The following CABLES1 variants were observed in gnomAD, a reference collection of about 807,000 sequenced individuals.
CABLES1 encodes the protein CDK5 and ABL1 enzyme substrate 1.
CABLES1 carries 36 observed loss-of-function variants against 57.8 expected under a neutral mutation model. The observed-to-expected ratio is 0.62, with a 90% confidence interval of 0.48 to 0.82. The LOEUF (loss-of-function observed/expected upper bound fraction) is 0.82, where lower values mean the gene tolerates loss of function less well. CABLES1 is among the 40% of genes least tolerant of loss of function. The pLI, the probability that CABLES1 is intolerant of heterozygous loss-of-function variation, is 0.00. For missense variants in CABLES1, 767 were observed against 836.6 expected (o/e 0.92, Z 1.03); for synonymous variants, 374 against 363.0 (o/e 1.03, Z -0.35).
chr18:23,212,262 A>G (rs1403665367), intron 3 of CABLES1, among the ~76,000 whole-genome samples: 1 of 152,248 alleles, frequency 6.6e-6, no homozygotes, highest in East Asian at 1.9e-4. Context: ...TTGAGTGTGT[A>G]CTATTTGCCA....
At chr18:23,217,080 TTTTGTTTTTG>T (rs940331958) in intron 4 of CABLES1, among the ~76,000 whole-genome samples, 5 of 152,098 alleles carry the variant, frequency 3.3e-5, no homozygotes, top group African/African-American at 9.7e-5. Context: ...TTGTTTTGTT[TTTTGTTTTTG>T]TTTGTTTTTG....
At chr18:23,185,466 T>C (rs1327800085) in intron 1 of CABLES1, among the ~76,000 whole-genome samples, 1 of 151,878 alleles carries the variant, frequency 6.6e-6, no homozygotes, top group Non-Finnish European at 1.5e-5. Flanking sequence ...TGTGTGTTCC[T>C]GACAGGGCTC....
At chr18:23,211,148 A>G (rs2047401934) in intron 3 of CABLES1, among the ~76,000 whole-genome samples, 1 of 152,054 alleles carries the variant, frequency 6.6e-6, no homozygotes, top group Non-Finnish European at 1.5e-5. Context: ...AAGATGGGAA[A>G]GAAGACTTGG....
At chr18:23,256,209 G>A (rs1323068490) in intron 9 of CABLES1, among the ~76,000 whole-genome samples, 1 of 152,262 alleles carries the variant, frequency 6.6e-6, no homozygotes, top group Admixed American at 6.5e-5. Context: ...GGCAGAATGT[G>A]CCTGAGCAAA....
chr18:23,243,235 T>G (rs541670020), intron 7 of CABLES1, among the ~76,000 whole-genome samples: 1 of 152,134 alleles, frequency 6.6e-6, no homozygotes, highest in Admixed American at 6.5e-5. Context: ...TATTCAGTTC[T>G]GAGGAGGGGG....
intron 7 of CABLES1, among the ~76,000 whole-genome samples, chr18:23,249,677 G>T (rs1056322770): frequency 6.6e-6 from 1 of 152,158 alleles, no homozygotes; most frequent in Admixed American, 6.5e-5. Flanking sequence ...TCTCGTTTTG[G>T]AGGATGAGGG....
intron 1 of CABLES1, among the ~76,000 whole-genome samples, chr18:23,143,358 T>C (rs2046869361): frequency 6.6e-6 from 1 of 152,158 alleles, no homozygotes; most frequent in Non-Finnish European, 1.5e-5. Flanking sequence ...ATTACACATC[T>C]TGTGTTATAT....
chr18:23,181,495 T>G, intron 1 of CABLES1, among the ~76,000 whole-genome samples: 1 of 3,802 alleles, frequency 2.6e-4, no homozygotes, highest in South Asian at 0.01. Context: ...AAGCTTCGTC[T>G]CAAAAAAAAA....
chr18:23,217,173 C>T (rs1342970607), intron 4 of CABLES1, among the ~76,000 whole-genome samples: 1 of 152,154 alleles, frequency 6.6e-6, no homozygotes, highest in East Asian at 1.9e-4. Context: ...TCTCGAACTC[C>T]TACGCTCGAG....
At chr18:23,152,957 A>G (rs2046940807) in intron 1 of CABLES1, among the ~76,000 whole-genome samples, 1 of 150,726 alleles carries the variant, frequency 6.6e-6, no homozygotes, top group Admixed American at 6.6e-5. Context: ...GCCCACCACC[A>G]CGCCCTGCTG....
intron 4 of CABLES1, among the ~76,000 whole-genome samples, chr18:23,227,257 C>G (rs946157962): frequency 1.5e-4 from 23 of 152,118 alleles, no homozygotes; most frequent in Non-Finnish European, 2.1e-4. Flanking sequence ...TCCTCCCCAC[C>G]CACTTTCCCC....
chr18:23,190,004 T>C (rs1242115431), intron 2 of CABLES1, among the ~76,000 whole-genome samples: 1 of 152,102 alleles, frequency 6.6e-6, no homozygotes, highest in South Asian at 2.1e-4. Context: ...ACTTTTGGAG[T>C]CTTTTTCAAA....
At chr18:23,255,843 GAGTCAC>G (rs2048151419) in intron 9 of CABLES1, among the ~76,000 whole-genome samples, 1 of 152,102 alleles carries the variant, frequency 6.6e-6, no homozygotes, top group African/African-American at 2.4e-5. Flanking sequence ...TTTTAGGCGT[GAGTCAC>G]CATACCCGGC....
At chr18:23,256,226 G>A (rs1269979014) in intron 9 of CABLES1, among the ~76,000 whole-genome samples, 1 of 152,230 alleles carries the variant, frequency 6.6e-6, no homozygotes, top group Admixed American at 6.5e-5. Context: ...CAAACATGAG[G>A]CCCTCCCTGT....
At chr18:23,190,767 AC>A (rs2047236733) in intron 2 of CABLES1, among the ~76,000 whole-genome samples, 1 of 152,048 alleles carries the variant, frequency 6.6e-6, no homozygotes, top group Non-Finnish European at 1.5e-5. Context: ...CCACTAAAGG[AC>A]CTTTTTTTGA....
intron 1 of CABLES1, among the ~76,000 whole-genome samples, chr18:23,172,962 A>G (rs1555661245): frequency 6.6e-6 from 1 of 152,260 alleles, no homozygotes; most frequent in South Asian, 2.1e-4. Context: ...AAACTGGATC[A>G]GGCTTTTTAA....
At chr18:23,230,828 G>C (rs2047562219) in intron 4 of CABLES1, among the ~76,000 whole-genome samples, 1 of 152,156 alleles carries the variant, frequency 6.6e-6, no homozygotes. Flanking sequence ...TAGGATTTGG[G>C]GAACACATGC....
At chr18:23,195,284 C>T (rs1487483154) in intron 3 of CABLES1, among the ~76,000 whole-genome samples, 2 of 152,180 alleles carry the variant, frequency 1.3e-5, no homozygotes, top group Non-Finnish European at 1.5e-5. Context: ...CTGTGTAACC[C>T]TTGGGGGCAG....
chr18:23,184,859 T>C (rs934619789), intron 1 of CABLES1, among the ~76,000 whole-genome samples: 2 of 152,140 alleles, frequency 1.3e-5, no homozygotes, highest in Non-Finnish European at 2.9e-5. Flanking sequence ...GAAAGGGAGC[T>C]AGAGAGCTCT....
Sources: allele counts gnomAD v4.1 joint callset (sites outside exome capture counted in the v4.1 genomes callset), GRCh38; gene constraint gnomAD v4.1.1; transcripts MANE v1.5; gene names NCBI Gene and HGNC (gene_info 2026-07-23, HGNC 2026-07-21).